Variants in MZT2B observed in about 807,000 individuals in gnomAD.
The protein encoded by MZT2B is mitotic spindle organizing protein 2B, also known as mitotic-spindle organizing protein 2B.
A neutral mutation model predicts 12.1 loss-of-function variants in MZT2B; 11 were observed. The observed-to-expected ratio is 0.91, with a 90% confidence interval of 0.57 to 1.50. MZT2B has a LOEUF of 1.50. Among genes scored for constraint, MZT2B ranks in the 40% most tolerant of loss-of-function variants. MZT2B has a pLI of 0.00. For synonymous variants in MZT2B, 85 were observed against 109.5 expected (o/e 0.78, Z 1.40); for missense variants, 209 against 227.7 (o/e 0.92, Z 0.53).
At position 130,190,506 on chromosome 2, in the gene MZT2B, G is replaced by C. The variant is rs749122941; in HGVS notation, c.357G>C (p.Leu119Phe). Reference protein sequence around the residue: ...NKGSAALGGALALAERSSREG... With the variant: ...NKGSAALGGAFALAERSSREG... ...GCAGCGCTGCCCTCGGGGGAGCATT[G>C]GCCCTGGCGGAACGCAGCAGCCGCG... is the stretch of plus-strand genomic sequence containing the variant. The change falls in exon 3 of 3, where the codon TTG becomes TTC. Residue 119 changes from leucine to phenylalanine, a missense_variant. Leu to Phe is a conservative substitution (Grantham distance 22). Transcript: ENST00000281871. The C allele has an allele frequency of 1.9e-6, 3 of 1,613,792 alleles. No homozygotes were observed. The highest frequency in any genetic ancestry group is 2.5e-6 in the Non-Finnish European group (3 of 1,179,958).
the MZT2B span, among the ~76,000 whole-genome samples, chr2:130,201,709 G>A: frequency 6.6e-5 from 10 of 152,120 alleles, no homozygotes. Context: ...ATCCTTCAGC[G>A]GCTGGGATAC....
chr2:130,193,813 A>G, downstream of MZT2B: 2 of 1,611,462 alleles, frequency 1.2e-6, no homozygotes, highest in Non-Finnish European at 1.7e-6. Flanking sequence ...ACCAATCCAC[A>G]AACTGGATAG....
intron 2 of MZT2B, chr2:130,184,625 G>T (rs1689986329): frequency 3.0e-6 from 3 of 985,308 alleles, no homozygotes; most frequent in South Asian, 9.4e-5. Flanking sequence ...CCAAGGGAGG[G>T]TGGAGAGGGG....
chr2:130,195,231 C>T (rs774885779), downstream of MZT2B: 1 of 1,613,728 alleles, frequency 6.2e-7, no homozygotes, highest in Non-Finnish European at 8.5e-7. Flanking sequence ...ACTTCATCTG[C>T]AAAAGAGACA....
At chr2:130,182,129 A>G, upstream of MZT2B, 1 of 1,264,758 alleles carries the variant, frequency 7.9e-7, no homozygotes, top group Non-Finnish European at 1.0e-6. Context: ...GTTGGGCTTC[A>G]ATGACGCCGC....
the MZT2B span, chr2:130,202,492 G>T: frequency 6.3e-6 from 8 of 1,276,700 alleles, no homozygotes; most frequent in African/African-American, 1.2e-4. Context: ...GCAGAGTTTT[G>T]TAAGGTTCAT....
the MZT2B span, chr2:130,196,497 T>C: frequency 7.4e-7 from 1 of 1,344,426 alleles, no homozygotes; most frequent in Non-Finnish European, 1.0e-6. Flanking sequence ...CAATCGATAT[T>C]TCCTAGGAGG....
downstream of MZT2B, chr2:130,194,008 A>G (rs1052312): frequency 0.4 from 639,849 of 1,609,460 alleles, 110,210 homozygotes; most frequent in African/African-American, 0.58. Flanking sequence ...AGGCCTTCTC[A>G]GCTGAGATGA....
rs1028284211 is a variant in MZT2B at position 130,183,030 on chromosome 2, C to G, written c.319+255C>G. The G allele has an allele frequency of 3.3e-5, 20 of 606,378 alleles. No homozygotes were observed. In the African/African-American group the frequency reaches 3.9e-4, roughly 12 times the overall value. The allele number at this position is 606,378 out of a possible 1,614,324, so 37.6% of individuals were successfully genotyped here. On this transcript the variant is annotated intron_variant, in intron 2 of 2. Coordinates refer to ENST00000281871, the MANE Select transcript of MZT2B (RefSeq NM_025029.5). ...TGGGTAGGGCTCCTCCGCTTAGCTC[C>G]CCTCCACCTCTTCACTCAGGCCTTC... is the stretch of plus-strand genomic sequence containing the variant.
At chr2:130,183,904 C>T (rs1451751186) in intron 2 of MZT2B, 2 of 1,550,474 alleles carry the variant, frequency 1.3e-6, no homozygotes, top group East Asian at 2.4e-5. Flanking sequence ...ACACACTCGC[C>T]TCTCTCTCCA....
the MZT2B span, among the ~76,000 whole-genome samples, chr2:130,198,723 G>A: frequency 1.7e-5 from 2 of 117,706 alleles, no homozygotes; most frequent in African/African-American, 6.9e-5. Context: ...TGCTCCCAGT[G>A]TGCCACTGCC....
At chr2:130,187,313 G>A (rs147493304) in intron 2 of MZT2B, among the ~76,000 whole-genome samples, 3,997 of 152,054 alleles carry the variant, frequency 0.026, 197 homozygotes, top group African/African-American at 0.092. Context: ...ACCTCCTCTT[G>A]AGTAGCTGGG....
the MZT2B span, among the ~76,000 whole-genome samples, chr2:130,202,988 T>C: frequency 1.3e-5 from 2 of 152,278 alleles, no homozygotes; most frequent in Non-Finnish European, 2.9e-5. Flanking sequence ...CTGAACTTTA[T>C]ATTCAAATGC....
At chr2:130,182,107 C>T (rs1689707258), upstream of MZT2B, 3 of 1,320,716 alleles carry the variant, frequency 2.3e-6, no homozygotes, top group Non-Finnish European at 2.9e-6. Flanking sequence ...ACACCGTGAG[C>T]GCCCAATAAC....
chr2:130,183,965 A>T, intron 2 of MZT2B: 1 of 1,550,196 alleles, frequency 6.5e-7, no homozygotes, highest in Non-Finnish European at 8.7e-7. Context: ...CTCCTTTTGC[A>T]GGTTGCGTTT....
chr2:130,193,038 AG>A (rs1690305211), downstream of MZT2B, among the ~76,000 whole-genome samples: 1 of 151,052 alleles, frequency 6.6e-6, no homozygotes, highest in Non-Finnish European at 1.5e-5. Context: ...GGTTGCAGTG[AG>A]TCAAGATCGT....
At chr2:130,194,337 ACT>A (rs562898352), downstream of MZT2B, 2,795 of 1,612,214 alleles carry the variant, frequency 1.7e-3, 30 homozygotes, top group African/African-American at 0.034. Context: ...TAAATGGCAA[ACT>A]CTAGCTTGGA....
chr2:130,191,404 G>C (rs184291873), downstream of MZT2B, among the ~76,000 whole-genome samples: 1 of 152,196 alleles, frequency 6.6e-6, no homozygotes, highest in East Asian at 1.9e-4. Context: ...CACAGCTTTA[G>C]AGACTTCATG....
the MZT2B span, among the ~76,000 whole-genome samples, chr2:130,195,957 T>C: frequency 6.6e-6 from 1 of 152,252 alleles, no homozygotes; most frequent in Non-Finnish European, 1.5e-5. Context: ...AGGTCAGGTT[T>C]TCCTAAATTA....
Sources: allele counts gnomAD v4.1 joint callset (sites outside exome capture counted in the v4.1 genomes callset), GRCh38; gene constraint gnomAD v4.1.1; transcripts MANE v1.5; gene names NCBI Gene and HGNC (gene_info 2026-07-23, HGNC 2026-07-21).